Variants in MYO9A observed in about 807,000 individuals in gnomAD.
The protein encoded by MYO9A is unconventional myosin-IXa.
MYO9A carries 103 observed loss-of-function variants against 293.3 expected under a neutral mutation model. The observed-to-expected ratio is 0.35, with a 90% confidence interval of 0.30 to 0.41. The LOEUF is 0.41. Ranked by LOEUF, MYO9A falls within the 10% of genes least tolerant of loss-of-function variation. MYO9A has a pLI of 1.00. For missense variants in MYO9A, 2,685 were observed against 3,033.0 expected, an observed-to-expected ratio of 0.89 and a Z score of 2.69; for synonymous variants, 1,001 against 1,035.7, an observed-to-expected ratio of 0.97 and a Z score of 0.64.
At chr15:72,089,457 C>T (rs543388134) in intron 1 of MYO9A, among the ~76,000 whole-genome samples, 5 of 152,170 alleles carry the variant, frequency 3.3e-5, no homozygotes, top group East Asian at 1.9e-4. Flanking sequence ...CCACTGTGCC[C>T]GGCAGGATGG....
At chr15:71,999,478 T>A (rs2076802455) in intron 9 of MYO9A, among the ~76,000 whole-genome samples, 1 of 151,718 alleles carries the variant, frequency 6.6e-6, no homozygotes, top group South Asian at 2.1e-4. Flanking sequence ...TAGCCAACAA[T>A]GAAAAAGTTA....
intron 18 of MYO9A, among the ~76,000 whole-genome samples, chr15:71,922,114 A>G (rs2058171703): frequency 6.6e-6 from 1 of 152,072 alleles, no homozygotes; most frequent in Non-Finnish European, 1.5e-5. Context: ...AGTAGTTGAG[A>G]CTACAGGCAC....
At chr15:71,895,919 A>G (rs1408740492) in intron 25 of MYO9A, among the ~76,000 whole-genome samples, 1 of 149,298 alleles carries the variant, frequency 6.7e-6, no homozygotes, top group African/African-American at 2.4e-5. Context: ...ATACACACAC[A>G]TAAATGTCAT....
chr15:72,115,354 A>G (rs980855689), intron 1 of MYO9A, among the ~76,000 whole-genome samples: 1 of 152,198 alleles, frequency 6.6e-6, no homozygotes, highest in Admixed American at 6.5e-5. Flanking sequence ...ACAGAACTAC[A>G]GTCACCTAAA....
chr15:71,990,448 A>G (rs1324912087), intron 11 of MYO9A, among the ~76,000 whole-genome samples: 1 of 152,106 alleles, frequency 6.6e-6, no homozygotes. Flanking sequence ...GTGGACCACA[A>G]TATTTGTATT....
intron 1 of MYO9A, among the ~76,000 whole-genome samples, chr15:72,053,843 A>G (rs1014612472): frequency 1.3e-5 from 2 of 152,254 alleles, no homozygotes; most frequent in Non-Finnish European, 2.9e-5. Context: ...CAACTAGTAG[A>G]GTGAAAAAAC....
intron 18 of MYO9A, among the ~76,000 whole-genome samples, chr15:71,925,271 A>ACACGTGTATG (rs1383003834): frequency 4.7e-5 from 7 of 149,384 alleles, no homozygotes; most frequent in African/African-American, 1.3e-4. Flanking sequence ...ATATACATAT[A>ACACGTGTATG]TACATATACG....
intron 1 of MYO9A, chr15:72,116,995 C>T: frequency 6.6e-6 from 1 of 152,156 alleles, no homozygotes; most frequent in Non-Finnish European, 1.5e-5. Flanking sequence ...GCAAATATTC[C>T]CTCAGGATTT....
intron 15 of MYO9A, 191 bp downstream of exon 15, chr15:71,951,586 A>T: frequency 1.9e-6 from 1 of 535,506 alleles, no homozygotes; most frequent in Non-Finnish European, 3.1e-6. Context: ...AAAGTCACCA[A>T]AGTTAAAAAA....
chr15:71,852,511 G>T (rs1038926838), intron 35 of MYO9A, among the ~76,000 whole-genome samples: 1 of 152,002 alleles, frequency 6.6e-6, no homozygotes, highest in Non-Finnish European at 1.5e-5. Flanking sequence ...TTACGGGCAT[G>T]CGCCGCCACG....
intron 31 of MYO9A, among the ~76,000 whole-genome samples, chr15:71,877,486 C>T (rs539306647): frequency 3.3e-5 from 5 of 151,990 alleles, no homozygotes; most frequent in Admixed American, 1.3e-4. Flanking sequence ...AAGACGGAGT[C>T]GCACTTTGCC....
intron 11 of MYO9A, among the ~76,000 whole-genome samples, chr15:71,980,132 C>A (rs2076237022): frequency 1.3e-5 from 2 of 152,162 alleles, no homozygotes. Flanking sequence ...AGGCACAAGT[C>A]AAGCCCCACT....
chr15:71,843,440 GTAAA>G (rs2055251364), intron 39 of MYO9A, among the ~76,000 whole-genome samples: 2 of 152,024 alleles, frequency 1.3e-5, no homozygotes, highest in Non-Finnish European at 1.5e-5. Flanking sequence ...CAAAAATAAA[GTAAA>G]TAAATAAATA....
intron 28 of MYO9A, among the ~76,000 whole-genome samples, chr15:71,882,272 T>C: frequency 6.6e-6 from 1 of 152,212 alleles, no homozygotes. Context: ...TGTATATCTC[T>C]GTTGAAGAAG....
chr15:71,844,312 A>C (rs1250002468), intron 39 of MYO9A, among the ~76,000 whole-genome samples: 3 of 152,078 alleles, frequency 2.0e-5, no homozygotes, highest in Non-Finnish European at 4.4e-5. Flanking sequence ...CAATCACCTA[A>C]TCATATAGAT....
intron 27 of MYO9A, among the ~76,000 whole-genome samples, chr15:71,887,634 A>T (rs2057059738): frequency 6.6e-6 from 1 of 152,106 alleles, no homozygotes; most frequent in Non-Finnish European, 1.5e-5. Flanking sequence ...TCATTGTTGA[A>T]GACAATGTAT....
intron 8 of MYO9A, among the ~76,000 whole-genome samples, chr15:72,007,296 T>C (rs909389742): frequency 2.6e-5 from 4 of 151,278 alleles, no homozygotes; most frequent in African/African-American, 7.3e-5. Context: ...TGATAAATCA[T>C]CACTCCAGGA....
At chr15:72,081,717 G>A (rs530269799) in intron 1 of MYO9A, among the ~76,000 whole-genome samples, 1 of 152,242 alleles carries the variant, frequency 6.6e-6, no homozygotes, top group East Asian at 1.9e-4. Context: ...GTTAATTTTT[G>A]TACACGGTGA....
At chr15:71,837,254 A>AAAAC (rs2054981434) in intron 39 of MYO9A, among the ~76,000 whole-genome samples, 1 of 152,102 alleles carries the variant, frequency 6.6e-6, no homozygotes, top group Admixed American at 6.5e-5. Flanking sequence ...CTCCAAAACT[A>AAAAC]AAACACTTAA....
Sources: allele counts gnomAD v4.1 joint callset (sites outside exome capture counted in the v4.1 genomes callset), GRCh38; gene constraint gnomAD v4.1.1; transcripts MANE v1.5; gene names NCBI Gene and HGNC (gene_info 2026-07-23, HGNC 2026-07-21).